The following RNF216 variants were observed in gnomAD, a reference collection of about 807,000 sequenced individuals.
RNF216 encodes E3 ubiquitin-protein ligase RNF216.
RNF216 carries 72 observed loss-of-function variants against 110.8 expected under a neutral mutation model. That is an observed-to-expected ratio of 0.65 (90% CI 0.54 to 0.79). The LOEUF is 0.79. RNF216 is among the 30% of genes least tolerant of loss of function. The probability of loss-of-function intolerance (pLI) is 0.00; values close to 1 mark genes in which losing one functional copy is unlikely to be tolerated. For synonymous variants in RNF216, 495 were observed against 407.5 expected (o/e 1.21, Z -2.59); for missense variants, 1,342 against 1,141.2 (o/e 1.18, Z -2.54).
chr7:5,672,326 T>C (rs1789971236), intron 13 of RNF216, among the ~76,000 whole-genome samples: 1 of 152,266 alleles, frequency 6.6e-6, no homozygotes, highest in Admixed American at 6.5e-5. Context: ...CTTGTAGTTA[T>C]ATCAGTTACT....
intron 8 of RNF216, among the ~76,000 whole-genome samples, chr7:5,723,798 G>C (rs1245378817): frequency 1.3e-5 from 2 of 152,132 alleles, no homozygotes; most frequent in Non-Finnish European, 2.9e-5. Context: ...TGTTTAGACG[G>C]AAAACAAACT....
At chr7:5,648,710 AGAGT>A (rs374240472) in intron 14 of RNF216, among the ~76,000 whole-genome samples, 2,239 of 149,968 alleles carry the variant, frequency 0.015, 35 homozygotes, top group South Asian at 0.048. Context: ...CCTGGGTGAC[AGAGT>A]GAGACTCTGT....
intron 13 of RNF216, among the ~76,000 whole-genome samples, chr7:5,658,819 C>T (rs57103271): frequency 0.015 from 2,280 of 152,100 alleles, 48 homozygotes; most frequent in African/African-American, 0.052. Flanking sequence ...TAAACACATA[C>T]GCTGGGGGTG....
intron 2 of RNF216, among the ~76,000 whole-genome samples, chr7:5,754,432 T>C (rs1795506880): frequency 6.6e-6 from 1 of 151,962 alleles, no homozygotes; most frequent in Non-Finnish European, 1.5e-5. Flanking sequence ...AAGAAGTCAC[T>C]GGGATGACAG....
Position 5,630,198 on chromosome 7 carries a change from G to T in RNF216, c.2383-6073C>A, listed in dbSNP as rs4724711. On this transcript the variant is annotated intron_variant, in intron 15 of 16. Coordinates refer to ENST00000389902, the MANE Select transcript of RNF216 (RefSeq NM_207111.4). ...ACCCTGGTGGTAGAGCTGCCTGGAT[G>T]GCAGGGTGAACTCATTTTAAAGCAG... Among the ~76,000 whole-genome samples, 1,329 of 152,154 alleles carry T rather than the reference G, an allele frequency of 8.7e-3. 19 individuals carry two copies. The highest frequency in any genetic ancestry group is 0.03 in the African/African-American group (1,263 of 41,508).
chr7:5,778,663 G>T (rs1796910357), intron 1 of RNF216, among the ~76,000 whole-genome samples: 1 of 152,214 alleles, frequency 6.6e-6, no homozygotes, highest in Admixed American at 6.5e-5. Context: ...TGAACTCTGG[G>T]TCCAAACTGA....
intron 14 of RNF216, among the ~76,000 whole-genome samples, chr7:5,648,181 A>G (rs920092361): frequency 6.7e-6 from 1 of 150,306 alleles, no homozygotes; most frequent in Non-Finnish European, 1.5e-5. Flanking sequence ...ATCTCGGCTC[A>G]CCATAACCTC....
intron 13 of RNF216, among the ~76,000 whole-genome samples, chr7:5,663,468 C>CA (rs547251855): frequency 4.7e-4 from 71 of 151,684 alleles, no homozygotes; most frequent in African/African-American, 1.5e-3. Flanking sequence ...CCTGTAGTCC[C>CA]AGCTACTCGG....
Position 5,652,451 on chromosome 7 carries a change from C to A in RNF216, c.2121G>T (p.Glu707Asp). 1 of 1,613,910 alleles carries A rather than the reference C, an allele frequency of 6.2e-7. No homozygotes were observed. Among genetic ancestry groups the A allele is most frequent in the Non-Finnish European group, 8.5e-7 (1 of 1,179,844 alleles). The change falls in exon 14 of 17, where the codon GAG (glutamate) becomes GAT (aspartate). Residue 707 changes from glutamate (E) to aspartate (D), a missense_variant. Glu to Asp is a conservative substitution (Grantham distance 45). Coordinates refer to ENST00000389902, the MANE Select transcript of RNF216 (RefSeq NM_207111.4). ...WKEHNGLTCEELAEKDDIKYR... is the reference protein window; with the variant it reads ...WKEHNGLTCEDLAEKDDIKYR... ...ACTTGATGTCGTCTTTTTCAGCCAG[C>A]TCTTCACAGGTGAGGCCATTATGTT... is the stretch of plus-strand genomic sequence containing the variant.
chr7:5,766,280 A>G (rs1796203502), intron 1 of RNF216, among the ~76,000 whole-genome samples: 1 of 152,150 alleles, frequency 6.6e-6, no homozygotes, highest in Admixed American at 6.5e-5. Context: ...ACAGAGTGAG[A>G]CACTGCCTCA....
At chr7:5,729,986 C>G (rs1793994220) in intron 6 of RNF216, among the ~76,000 whole-genome samples, 1 of 152,122 alleles carries the variant, frequency 6.6e-6, no homozygotes, top group South Asian at 2.1e-4. Flanking sequence ...CATACTTGAC[C>G]ATATAACACA....
chr7:5,743,164 C>T (rs936487452), intron 3 of RNF216, among the ~76,000 whole-genome samples: 5 of 151,772 alleles, frequency 3.3e-5, no homozygotes, highest in African/African-American at 9.7e-5. Flanking sequence ...GGGAGGCTGA[C>T]GGAGCAGAAT....
intron 3 of RNF216, among the ~76,000 whole-genome samples, chr7:5,749,445 C>T (rs1001897770): frequency 2.0e-5 from 3 of 152,148 alleles, no homozygotes; most frequent in African/African-American, 7.2e-5. Context: ...GCCACCACGT[C>T]GGGCCTATAT....
Position 5,648,453 on chromosome 7 carries a change from C to T in RNF216, c.2159+3960G>A, listed in dbSNP as rs192132043. ...GAAAATTGAAGGGACAGGCCAGGCA[C>T]GGTGGCTCACACCTGTAATCCCAGC... is the stretch of plus-strand genomic sequence containing the variant. On this transcript the variant is annotated intron_variant, in intron 14 of 16. Coordinates refer to ENST00000389902, the MANE Select transcript of RNF216 (RefSeq NM_207111.4). 5.4e-3 allele frequency among the ~76,000 whole-genome samples: 816 copies of T among 151,274 alleles called. 6 individuals are homozygous for T. Among genetic ancestry groups the T allele is most frequent in the Non-Finnish European group, 4.5e-3 (306 of 67,728 alleles).
chr7:5,631,615 C>T (rs903131576), intron 15 of RNF216, among the ~76,000 whole-genome samples: 4 of 152,108 alleles, frequency 2.6e-5, no homozygotes, highest in Non-Finnish European at 5.9e-5. Context: ...GACATTTTCT[C>T]TTTCTGGCCT....
At position 5,624,457 on chromosome 7, in the gene RNF216, G is replaced by A. The variant is rs1389179824; in HGVS notation, c.2383-332C>T. 6.6e-6 allele frequency among the ~76,000 whole-genome samples: 1 copy of A among 152,266 alleles called. No homozygotes were observed. The highest frequency in any genetic ancestry group is 1.9e-4 in the East Asian group (1 of 5,196). ...GGTGGATATGAGAAGGGTTTGGAGA[G>A]GGCTGGGTCTGAGTGGGCACAGCCT... is the stretch of plus-strand genomic sequence containing the variant. On this transcript the variant is annotated intron_variant, in intron 15 of 16. Transcript: ENST00000389902. The surrounding 1 kb of genome is among the most constrained non-coding windows in gnomAD (Gnocchi z 4.4).
rs962186605 is a variant in RNF216, at chr7:5,639,712, G to A, written c.2382+1442C>T. ...TGACCTCAGGTGATCCACCCGCCTT[G>A]GTTTCCCAAAGTGCTAGGATTATAG... On this transcript the variant is annotated intron_variant, in intron 15 of 16. Transcript: ENST00000389902. 6.0e-5 allele frequency among the ~76,000 whole-genome samples: 9 copies of A among 151,072 alleles called. No homozygotes were observed. The South Asian group carries it at 1.7e-3, about 28-fold the overall frequency.
intron 13 of RNF216, among the ~76,000 whole-genome samples, chr7:5,677,024 G>A (rs924316486): frequency 3.9e-5 from 6 of 152,256 alleles, no homozygotes; most frequent in Non-Finnish European, 7.3e-5. Context: ...AACGAACCTC[G>A]TAAGAGAACT....
rs1791611855 is a variant in RNF216 at position 5,696,132 on chromosome 7, G to A, written c.2061+15629C>T. Among the ~76,000 whole-genome samples the A allele has an allele frequency of 6.6e-6, 1 of 152,138 alleles. No homozygotes were observed. Among genetic ancestry groups the A allele is most frequent in the Admixed American group, 6.6e-5 (1 of 15,266 alleles). ...CAGCTCCAGACAAATCCAGCCCAAG[G>A]GGAAACACACTGACATCCACAGTCC... On this transcript the variant is annotated intron_variant, in intron 13 of 16. Transcript: ENST00000389902. The surrounding 1 kb of genome is among the most constrained non-coding windows in gnomAD (Gnocchi z 5.4).
Sources: gnomAD v4.1 joint callset for allele counts (sites outside exome capture counted in the v4.1 genomes callset) on GRCh38, gnomAD v4.1.1 for gene constraint, Gnocchi (gnomAD v3.1) non-coding constraint, MANE v1.5 for transcripts, NCBI Gene and HGNC (gene_info 2026-07-23, HGNC 2026-07-21) for gene names.